Variants in MAGI3 observed in about 807,000 individuals in gnomAD.
MAGI3 encodes membrane-associated guanylate kinase, WW and PDZ domain-containing protein 3.
In MAGI3, 43 loss-of-function variants were observed where a neutral mutation model predicts 121.8. The ratio of observed to expected loss-of-function variants is 0.35; its 90% CI spans 0.28 to 0.46. MAGI3 has a LOEUF of 0.46. Among genes scored for constraint, MAGI3 ranks in the 20% least tolerant of loss-of-function variants. The probability of loss-of-function intolerance (pLI) is 1.00; values close to 1 mark genes in which losing one functional copy is unlikely to be tolerated. For missense variants in MAGI3, 1,547 were observed against 1,797.3 expected (o/e 0.86, Z 2.52); for synonymous variants, 553 against 639.3 (o/e 0.86, Z 2.04).
intron 9 of MAGI3, among the ~76,000 whole-genome samples, chr1:113,632,593 A>C (rs1240214495): frequency 2.0e-5 from 3 of 152,194 alleles, no homozygotes; most frequent in Non-Finnish European, 4.4e-5. Context: ...ATGATTCTAC[A>C]ACCAAAATAG....
At chr1:113,572,540 G>A (rs969569929) in intron 2 of MAGI3, among the ~76,000 whole-genome samples, 2 of 152,102 alleles carry the variant, frequency 1.3e-5, no homozygotes, top group African/African-American at 2.4e-5. Context: ...TTTTTGGTTG[G>A]TAGGCTATTA....
At chr1:113,673,241 C>A in intron 18 of MAGI3, 81 bp from the exon 19 acceptor site, 1 of 1,459,774 alleles carries the variant, frequency 6.9e-7, no homozygotes, top group South Asian at 1.2e-5. Context: ...TCATTTCTTC[C>A]AGCTATAGAA....
At chr1:113,568,917 G>A (rs1371750206) in intron 2 of MAGI3, among the ~76,000 whole-genome samples, 1 of 151,920 alleles carries the variant, frequency 6.6e-6, no homozygotes, top group African/African-American at 2.4e-5. Context: ...TAGCTGTAAA[G>A]GAAAAGATTT....
intron 7 of MAGI3, among the ~76,000 whole-genome samples, chr1:113,618,223 G>A (rs929416734): frequency 2.6e-5 from 4 of 151,940 alleles, no homozygotes; most frequent in Admixed American, 6.6e-5. Flanking sequence ...TGTGGTCACA[G>A]CTACTCAGGA....
At chr1:113,540,008 A>G (rs1439219124) in intron 1 of MAGI3, among the ~76,000 whole-genome samples, 1 of 152,080 alleles carries the variant, frequency 6.6e-6, no homozygotes, top group Admixed American at 6.6e-5. Context: ...TACAAAAAAT[A>G]GAGATGGTCT....
chr1:113,407,830 C>T (rs1399352167), intron 1 of MAGI3, among the ~76,000 whole-genome samples: 2 of 152,082 alleles, frequency 1.3e-5, no homozygotes, highest in South Asian at 2.1e-4. Flanking sequence ...CCCACGAACT[C>T]GTTTATGTGC....
chr1:113,602,073 G>C (rs902023110), intron 6 of MAGI3, among the ~76,000 whole-genome samples: 5 of 139,196 alleles, frequency 3.6e-5, no homozygotes, highest in African/African-American at 1.4e-4. Flanking sequence ...GGACTGCTGT[G>C]GGGTGGGGGG....
intron 11 of MAGI3, among the ~76,000 whole-genome samples, chr1:113,644,997 T>G (rs17359302): frequency 0.22 from 32,426 of 149,190 alleles, 4,399 homozygotes; most frequent in South Asian, 0.39. Context: ...TTTTATAGAT[T>G]AAAAAGAATC....
At chr1:113,439,496 C>G (rs963320832) in intron 1 of MAGI3, among the ~76,000 whole-genome samples, 2 of 152,200 alleles carry the variant, frequency 1.3e-5, no homozygotes, top group East Asian at 1.9e-4. Context: ...GTTTATTACA[C>G]TTCCTCCTTT....
intron 4 of MAGI3, 84 bp downstream of exon 4, chr1:113,585,680 A>G: frequency 8.2e-7 from 1 of 1,226,660 alleles, no homozygotes; most frequent in Non-Finnish European, 1.1e-6. Context: ...AAAATTTTTT[A>G]CAAAGCATAT....
intron 1 of MAGI3, among the ~76,000 whole-genome samples, chr1:113,433,203 A>T (rs1453688915): frequency 6.6e-6 from 1 of 152,112 alleles, no homozygotes; most frequent in Non-Finnish European, 1.5e-5. Flanking sequence ...CATGAGGCTG[A>T]CAGTTGGCAT....
chr1:113,474,450 A>G (rs1655704185), intron 1 of MAGI3, among the ~76,000 whole-genome samples: 1 of 152,202 alleles, frequency 6.6e-6, no homozygotes, highest in South Asian at 2.1e-4. Flanking sequence ...ATAAGGTGTA[A>G]GGAAGGGATC....
chr1:113,421,907 CT>C (rs1652751968), intron 1 of MAGI3, among the ~76,000 whole-genome samples: 1 of 150,956 alleles, frequency 6.6e-6, no homozygotes, highest in Non-Finnish European at 1.5e-5. Flanking sequence ...GCTTTGCTTA[CT>C]GATTGTCTGA....
At chr1:113,682,317 CTTGTA>C (rs1405063445) in intron 20 of MAGI3, 25 of 1,581,018 alleles carry the variant, frequency 1.6e-5, no homozygotes, top group Non-Finnish European at 4.3e-6. Flanking sequence ...ATTTGCATGT[CTTGTA>C]AATCACTTTC....
At chr1:113,596,358 C>G (rs1249110848) in intron 6 of MAGI3, among the ~76,000 whole-genome samples, 1 of 152,066 alleles carries the variant, frequency 6.6e-6, no homozygotes, top group African/African-American at 2.4e-5. Flanking sequence ...AATCAAAGAC[C>G]TAAGCATAAA....
intron 9 of MAGI3, among the ~76,000 whole-genome samples, chr1:113,633,477 G>A (rs1290027628): frequency 6.6e-6 from 1 of 151,482 alleles, no homozygotes; most frequent in African/African-American, 2.4e-5. Context: ...TAGCCGGGAT[G>A]GTCTCGATCT....
At chr1:113,576,476 C>T (rs550348098) in intron 2 of MAGI3, among the ~76,000 whole-genome samples, 53 of 152,282 alleles carry the variant, frequency 3.5e-4, no homozygotes, top group South Asian at 6.2e-4. Flanking sequence ...GCTCACCCTC[C>T]GCGAGCTGCA....
chr1:113,450,854 C>T (rs1453985463), intron 1 of MAGI3: 3 of 647,810 alleles, frequency 4.6e-6, no homozygotes, highest in Non-Finnish European at 8.3e-6. Context: ...AAATCTGCCA[C>T]AGAAGGAACG....
chr1:113,405,132 G>C (rs936662279), intron 1 of MAGI3, among the ~76,000 whole-genome samples: 1 of 151,978 alleles, frequency 6.6e-6, no homozygotes, highest in Non-Finnish European at 1.5e-5. Flanking sequence ...CAGGGTATTC[G>C]TAACTTGTAA....
Sources: gnomAD v4.1 joint callset for allele counts (sites outside exome capture counted in the v4.1 genomes callset) on GRCh38, gnomAD v4.1.1 for gene constraint, MANE v1.5 for transcripts, NCBI Gene and HGNC (gene_info 2026-07-23, HGNC 2026-07-21) for gene names.